XYLB: variants seen among roughly 807,000 people sequenced by gnomAD.
The protein encoded by XYLB is xylulokinase.
A neutral mutation model predicts 78.7 loss-of-function variants in XYLB; 62 were observed. The ratio of observed to expected loss-of-function variants is 0.79; its 90% CI spans 0.64 to 0.97. The LOEUF is 0.97. Among genes scored for constraint, XYLB ranks in the 50% least tolerant of loss-of-function variants. The pLI, the probability that XYLB is intolerant of heterozygous loss-of-function variation, is 0.00. For synonymous variants in XYLB, 245 were observed against 247.4 expected, an observed-to-expected ratio of 0.99 and a Z score of 0.09; for missense variants, 687 against 676.8, an observed-to-expected ratio of 1.02 and a Z score of -0.17.
chr3:38,349,696 G>A (rs1405894548), intron 2 of XYLB, among the ~76,000 whole-genome samples: 1 of 152,184 alleles, frequency 6.6e-6, no homozygotes, highest in Admixed American at 6.5e-5. Context: ...GACTGGGTGG[G>A]TTAAAGAGCG....
At chr3:38,418,836 A>G (rs781091849), downstream of XYLB, among the ~76,000 whole-genome samples, 3 of 152,214 alleles carry the variant, frequency 2.0e-5, no homozygotes, top group South Asian at 6.2e-4. Flanking sequence ...GACATTTATC[A>G]TTTTAACCAT....
intron 17 of XYLB, among the ~76,000 whole-genome samples, chr3:38,397,784 A>C (rs1176502106): frequency 6.6e-6 from 1 of 151,312 alleles, no homozygotes; most frequent in East Asian, 2.0e-4. Context: ...TCATATTCTT[A>C]ACATTTAACA....
chr3:38,360,507 C>T (rs1559577804), intron 3 of XYLB, 99 bp downstream of exon 3: 3 of 1,060,978 alleles, frequency 2.8e-6, no homozygotes, highest in East Asian at 2.5e-5. Context: ...CCAATGAGAG[C>T]ATCTGTTGTC....
At chr3:38,388,874 A>G (rs1177679789) in intron 15 of XYLB, among the ~76,000 whole-genome samples, 1 of 152,216 alleles carries the variant, frequency 6.6e-6, no homozygotes, top group Non-Finnish European at 1.5e-5. Context: ...GAGAACACCC[A>G]CAGTTTAGGC....
Position 38,395,563 on chromosome 3 carries a change from G to A in XYLB, c.1350G>A (p.Gln450=), listed in dbSNP as rs1269264346. ...GGASHNREIL[Q]VLADVFDAPV... ...CATCTCACAATAGAGAAATCTTACA[G>A]GTAAGCGTTAGTAGTGGGCCTTACA... is the stretch of plus-strand genomic sequence containing the variant. Residue 450 remains glutamine, a splice_region_variant and synonymous_variant, in exon 16 of 19, where the codon CAG becomes CAA. Transcript: ENST00000207870. The A allele has an allele frequency of 1.2e-5, 19 of 1,614,174 alleles. No individual in the cohort carries two copies. Among genetic ancestry groups the A allele is most frequent in the Non-Finnish European group, 1.6e-5 (19 of 1,180,004 alleles).
rs972939794 is a variant in XYLB, at chr3:38,366,523, T to C, written c.508-285T>C. Among the ~76,000 whole-genome samples, 42 of 152,344 alleles carry C rather than the reference T, an allele frequency of 2.8e-4. 1 individual carries two copies. The highest frequency in any genetic ancestry group is 2.7e-3 in the Admixed American group (41 of 15,308). ...GGCCAAGATCACATTGTTCAGTAGA[T>C]ATCAAACAGATTTAATGCTTATTTT... On this transcript the variant is annotated intron_variant, in intron 6 of 18. Coordinates refer to ENST00000207870, the MANE Select transcript of XYLB (RefSeq NM_005108.4).
In XYLB at chr3:38,367,278, G is replaced by A. The variant is rs536115615; in HGVS notation, c.573+405G>A. On this transcript the variant is annotated intron_variant, in intron 7 of 18. Coordinates refer to ENST00000207870, the MANE Select transcript of XYLB (RefSeq NM_005108.4). Reference sequence around the variant, plus strand: ...TTTCTTTGGAAATGTATAGGACTGGGCATTTGTGTCCCCAGCTGTGGCCCT... The same window carrying A: ...TTTCTTTGGAAATGTATAGGACTGGACATTTGTGTCCCCAGCTGTGGCCCT... 7.2e-5 allele frequency among the ~76,000 whole-genome samples: 11 copies of A among 152,298 alleles called. No homozygotes were observed. The South Asian group carries it at 1.2e-3, about 17-fold the overall frequency.
chr3:38,351,824 T>C (rs1045409561), intron 2 of XYLB, among the ~76,000 whole-genome samples: 1 of 152,268 alleles, frequency 6.6e-6, no homozygotes, highest in African/African-American at 2.4e-5. Flanking sequence ...TTGAGATTCA[T>C]CCATGTTGCT....
downstream of XYLB, among the ~76,000 whole-genome samples, chr3:38,418,853 G>A (rs1166577401): frequency 2.0e-5 from 3 of 152,126 alleles, no homozygotes; most frequent in African/African-American, 7.2e-5. Flanking sequence ...CCATGGAAAA[G>A]TGTTCATTTT....
intron 3 of XYLB, 43 bp downstream of exon 3, chr3:38,360,451 C>G: frequency 2.6e-6 from 4 of 1,511,548 alleles, no homozygotes; most frequent in Non-Finnish European, 2.7e-6. Flanking sequence ...CCCAGGCTGT[C>G]TCACTGGCAG....
At chr3:38,431,670 T>C in the XYLB span, among the ~76,000 whole-genome samples, 1 of 152,238 alleles carries the variant, frequency 6.6e-6, no homozygotes, top group African/African-American at 2.4e-5. Context: ...ACATTCAGTA[T>C]GATATTGGCT....
intron 6 of XYLB, 59 bp downstream of exon 6, chr3:38,365,795 G>A: frequency 6.5e-7 from 1 of 1,538,756 alleles, no homozygotes; most frequent in Non-Finnish European, 8.8e-7. Context: ...CGGAGGCATA[G>A]TGGGTGACCT....
downstream of XYLB, among the ~76,000 whole-genome samples, chr3:38,419,774 C>T (rs941760570): frequency 1.7e-4 from 25 of 150,822 alleles, no homozygotes; most frequent in Non-Finnish European, 7.4e-5. Flanking sequence ...TTTTTGCTAG[C>T]ATGTAGAGAT....
At chr3:38,403,799 T>G (rs1056443408) in intron 18 of XYLB, among the ~76,000 whole-genome samples, 3 of 152,088 alleles carry the variant, frequency 2.0e-5, no homozygotes, top group Non-Finnish European at 4.4e-5. Context: ...TGGCCAATCC[T>G]CTGAGCTGTA....
intron 15 of XYLB, 65 bp downstream of exon 15, chr3:38,379,407 C>T (rs1707036765): frequency 1.3e-6 from 2 of 1,528,662 alleles, no homozygotes; most frequent in Admixed American, 1.7e-5. Flanking sequence ...CTCGCAGGGG[C>T]CAGGGCTAGT....
At chr3:38,402,831 C>T (rs1243270565) in intron 18 of XYLB, among the ~76,000 whole-genome samples, 1 of 152,112 alleles carries the variant, frequency 6.6e-6, no homozygotes, top group Non-Finnish European at 1.5e-5. Flanking sequence ...CTTAGGTCAG[C>T]AGTGGACAAT....
chr3:38,446,274 G>C, the XYLB span, among the ~76,000 whole-genome samples: 1 of 152,124 alleles, frequency 6.6e-6, no homozygotes, highest in African/African-American at 2.4e-5. Flanking sequence ...GAGCTGATTG[G>C]TGCATTTTTA....
At chr3:38,365,774 G>T in intron 6 of XYLB, 38 bp downstream of exon 6, 3 of 1,584,932 alleles carry the variant, frequency 1.9e-6, no homozygotes, top group South Asian at 2.3e-5. Context: ...GGGTGGTCTG[G>T]TTGCAAGCTC....
intron 15 of XYLB, among the ~76,000 whole-genome samples, chr3:38,379,665 G>A (rs779609186): frequency 6.6e-6 from 1 of 152,186 alleles, no homozygotes; most frequent in Non-Finnish European, 1.5e-5. Flanking sequence ...CCTGAGCTCT[G>A]GACTGCAAAG....
Sources: gnomAD v4.1 joint callset for allele counts (sites outside exome capture counted in the v4.1 genomes callset) on GRCh38, gnomAD v4.1.1 for gene constraint, MANE v1.5 for transcripts, NCBI Gene and HGNC (gene_info 2026-07-23, HGNC 2026-07-21) for gene names.